VWA8: variants seen among roughly 807,000 people sequenced by gnomAD.
VWA8 encodes von Willebrand factor A domain containing 8.
VWA8 carries 221 observed loss-of-function variants against 241.5 expected under a neutral mutation model. The ratio of observed to expected loss-of-function variants is 0.91; its 90% CI spans 0.82 to 1.02. VWA8 has a LOEUF of 1.02. Ranked by LOEUF, VWA8 falls within the 50% of genes least tolerant of loss-of-function variation. The probability of loss-of-function intolerance (pLI) is 0.00; values close to 1 mark genes in which losing one functional copy is unlikely to be tolerated. For missense variants in VWA8, 2,322 were observed against 2,328.7 expected (o/e 1.00, Z 0.06); for synonymous variants, 852 against 827.1 (o/e 1.03, Z -0.52).
chr13:41,742,138 T>C (rs1284372345), intron 21 of VWA8, among the ~76,000 whole-genome samples: 1 of 152,204 alleles, frequency 6.6e-6, no homozygotes, highest in Non-Finnish European at 1.5e-5. Context: ...ACAGTCCTCG[T>C]TGCCATTTTG....
chr13:41,938,569 T>A (rs994988098), intron 2 of VWA8, among the ~76,000 whole-genome samples: 1 of 151,804 alleles, frequency 6.6e-6, no homozygotes, highest in Non-Finnish European at 1.5e-5. Flanking sequence ...GAGGATCGCT[T>A]GAACCCAGGA....
chr13:41,729,119 G>A (rs1268596100), intron 23 of VWA8, among the ~76,000 whole-genome samples: 3 of 151,930 alleles, frequency 2.0e-5, no homozygotes, highest in African/African-American at 7.2e-5. Context: ...TAAGGTAGGA[G>A]TGTGTGTGTA....
chr13:41,707,472 T>C (rs1246814735), intron 26 of VWA8, among the ~76,000 whole-genome samples: 40 of 152,220 alleles, frequency 2.6e-4, no homozygotes, highest in Non-Finnish European at 2.4e-4. Flanking sequence ...ATGGGAATAA[T>C]GGAACCCTTC....
At chr13:41,948,049 A>C (rs903245712) in intron 2 of VWA8, among the ~76,000 whole-genome samples, 4 of 152,170 alleles carry the variant, frequency 2.6e-5, no homozygotes, top group Admixed American at 6.5e-5. Context: ...AAGAAAGTTG[A>C]AAATATGTCC....
chr13:41,782,978 GA>G (rs1290915901), intron 19 of VWA8, among the ~76,000 whole-genome samples: 2 of 150,780 alleles, frequency 1.3e-5, no homozygotes, highest in Non-Finnish European at 3.0e-5. Context: ...AAAAAGAAAG[GA>G]AAAGGAAAGA....
chr13:41,809,122 A>G (rs1388134454), intron 17 of VWA8, among the ~76,000 whole-genome samples: 3 of 152,210 alleles, frequency 2.0e-5, no homozygotes, highest in Non-Finnish European at 1.5e-5. Context: ...ATGCTAAAAA[A>G]TGGAAAGATA....
chr13:41,820,297 C>A (rs976162618), intron 14 of VWA8, among the ~76,000 whole-genome samples: 6 of 152,130 alleles, frequency 3.9e-5, no homozygotes, highest in African/African-American at 1.4e-4. Context: ...AGGTACATAA[C>A]TGCCATTTCA....
rs534184829 is a variant in VWA8, at chr13:41,760,333, A to G, written c.2426+795T>C. ...TCCTTTCCTCTTTCTCCTTTGACCCACTAACTCTGCCCTTTATTCTCTTAT... is the reference window on the plus strand; with the variant it reads ...TCCTTTCCTCTTTCTCCTTTGACCCGCTAACTCTGCCCTTTATTCTCTTAT... On this transcript the variant is annotated intron_variant, in intron 21 of 44. Coordinates refer to ENST00000379310, the MANE Select transcript of VWA8 (RefSeq NM_015058.2). Among the ~76,000 whole-genome samples, 5 of 151,890 alleles carry G rather than the reference A, an allele frequency of 3.3e-5. No homozygotes were observed. The South Asian group carries it at 1.0e-3, about 31-fold the overall frequency.
Position 41,865,909 on chromosome 13 carries a change from C to T in VWA8, c.1340G>A (p.Gly447Glu), listed in dbSNP as rs758928828. ...SHMVKDICLIGGKGCGKTVIA... is the reference protein window; with the variant it reads ...SHMVKDICLIEGKGCGKTVIA... The stretch of plus-strand genomic sequence containing the variant: ...TGAGACTGTCATTCTTACCTTTCCT[C>T]CAATTAAACATATATCTTTAACCAT... Residue 447 changes from glycine (G) to glutamate (E), a missense_variant, in exon 11 of 45, where the codon GGA (glycine) becomes GAA (glutamate). By Grantham distance (98) the Gly-to-Glu change is moderately conservative. Coordinates refer to ENST00000379310, the MANE Select transcript of VWA8 (RefSeq NM_015058.2). 5 of 1,614,186 alleles carry T rather than the reference C, an allele frequency of 3.1e-6. No individual in the cohort carries two copies. The highest frequency in any genetic ancestry group is 4.2e-6 in the Non-Finnish European group (5 of 1,180,016).
chr13:41,573,486 A>AAAATAAATAAATAT, intron 43 of VWA8, among the ~76,000 whole-genome samples: 2 of 113,614 alleles, frequency 1.8e-5, no homozygotes, highest in Non-Finnish European at 1.8e-5. Context: ...AAAAAAAAAA[A>AAAATAAATAAATAT]ATATATATAT....
rs548785379 is a variant in VWA8 at position 41,671,969 on chromosome 13, G to C, written c.4410-822C>G. 3.9e-5 allele frequency among the ~76,000 whole-genome samples: 6 copies of C among 152,256 alleles called. No individual in the cohort carries two copies. The East Asian group carries it at 9.6e-4, about 24-fold the overall frequency. ...AGACAAGATATCAACAGAACCATCT[G>C]TAAGAAGCAAAAATACACTGTAATT... On this transcript the variant is annotated intron_variant, in intron 36 of 44. Coordinates refer to ENST00000379310, the MANE Select transcript of VWA8 (RefSeq NM_015058.2).
intron 37 of VWA8, among the ~76,000 whole-genome samples, chr13:41,654,458 G>A (rs2044888578): frequency 6.6e-6 from 1 of 152,186 alleles, no homozygotes; most frequent in Non-Finnish European, 1.5e-5. Flanking sequence ...ACAGGGTAGA[G>A]GGAATGGTTT....
intron 42 of VWA8, among the ~76,000 whole-genome samples, chr13:41,579,415 C>T (rs1428733588): frequency 2.0e-5 from 3 of 152,142 alleles, no homozygotes; most frequent in East Asian, 1.9e-4. Flanking sequence ...TGTAAGTCAA[C>T]GTGAAAAGAA....
At chr13:41,639,992 G>T (rs2044785079) in intron 37 of VWA8, among the ~76,000 whole-genome samples, 2 of 152,076 alleles carry the variant, frequency 1.3e-5, no homozygotes, top group Admixed American at 1.3e-4. Flanking sequence ...ATAGCAAATG[G>T]GTGGGCCACG....
At chr13:41,877,921 C>A (rs967867167) in intron 9 of VWA8, among the ~76,000 whole-genome samples, 4 of 152,018 alleles carry the variant, frequency 2.6e-5, no homozygotes, top group African/African-American at 4.8e-5. Context: ...ATGATGAGCA[C>A]CATCTGGGGA....
chr13:41,694,021 G>T (rs1456140639), intron 29 of VWA8, among the ~76,000 whole-genome samples: 1 of 151,730 alleles, frequency 6.6e-6, no homozygotes, highest in Non-Finnish European at 1.5e-5. Context: ...AGCACATGAA[G>T]AATTAATAAA....
intron 21 of VWA8, among the ~76,000 whole-genome samples, chr13:41,759,685 T>TAA (rs2045725977): frequency 6.6e-6 from 1 of 151,802 alleles, no homozygotes. Context: ...CCTTGTCTGC[T>TAA]AATTCCATTA....
intron 1 of VWA8, among the ~76,000 whole-genome samples, chr13:41,950,450 G>A (rs987036391): frequency 1.1e-4 from 16 of 151,260 alleles, no homozygotes; most frequent in African/African-American, 3.9e-4. Context: ...CTCACTGCAA[G>A]CTCCGCCTCC....
chr13:41,644,625 G>A (rs373952590), intron 37 of VWA8, among the ~76,000 whole-genome samples: 5 of 152,230 alleles, frequency 3.3e-5, no homozygotes, highest in Non-Finnish European at 5.9e-5. Context: ...CCCACGAGGC[G>A]GGGGATGGCC....
Sources: gnomAD v4.1 joint callset for allele counts (sites outside exome capture counted in the v4.1 genomes callset) on GRCh38, gnomAD v4.1.1 for gene constraint, MANE v1.5 for transcripts, NCBI Gene and HGNC (gene_info 2026-07-23, HGNC 2026-07-21) for gene names.